CRTC3: variants seen among roughly 807,000 people sequenced by gnomAD.
CRTC3 encodes CREB regulated transcription coactivator 3.
In CRTC3, 26 loss-of-function variants were observed where a neutral mutation model predicts 74.5. The ratio of observed to expected loss-of-function variants is 0.35; its 90% confidence interval spans 0.26 to 0.48. The LOEUF is 0.48. Among genes scored for constraint, CRTC3 ranks in the 20% least tolerant of loss-of-function variants. CRTC3 has a pLI of 0.99. For synonymous variants in CRTC3, 377 were observed against 325.8 expected, an observed-to-expected ratio of 1.16 and a Z score of -1.69; for missense variants, 760 against 787.3, an observed-to-expected ratio of 0.97 and a Z score of 0.41.
intron 2 of CRTC3, among the ~76,000 whole-genome samples, chr15:90,587,416 C>T (rs1198435297): frequency 3.3e-5 from 5 of 152,206 alleles, no homozygotes; most frequent in Non-Finnish European, 5.9e-5. Flanking sequence ...ACTCCCCTCC[C>T]CGGTCTATCT....
chr15:90,585,539 A>G (rs1007303952), intron 2 of CRTC3, among the ~76,000 whole-genome samples: 1 of 152,216 alleles, frequency 6.6e-6, no homozygotes, highest in African/African-American at 2.4e-5. Context: ...TGTAGGCTAT[A>G]TAGCAAAGGA....
chr15:90,572,094 G>A (rs527514984), intron 2 of CRTC3, among the ~76,000 whole-genome samples: 9 of 151,804 alleles, frequency 5.9e-5, no homozygotes, highest in East Asian at 3.9e-4. Context: ...CCCAAGAGGC[G>A]GAGGTTGCAG....
intron 2 of CRTC3, among the ~76,000 whole-genome samples, chr15:90,561,352 T>G (rs889392124): frequency 1.3e-5 from 2 of 152,220 alleles, no homozygotes; most frequent in African/African-American, 4.8e-5. Context: ...GTTCATTATA[T>G]GAAGCTTCTT....
At position 90,637,590 on chromosome 15, in the gene CRTC3, G is replaced by A. The variant is rs1180428755; in HGVS notation, c.1267-856G>A. Among the ~76,000 whole-genome samples the A allele has an allele frequency of 2.6e-5, 4 of 152,164 alleles. No individual in the cohort carries two copies. The East Asian group carries it at 7.7e-4, about 29-fold the overall frequency. On this transcript the variant is annotated intron_variant, in intron 11 of 14. Transcript: ENST00000268184. The stretch of plus-strand genomic sequence containing the variant: ...AAAAGAAATTTCTTCTAAACCCTGT[G>A]TTTTCAGTAAAGTGCCTCACCTTCT...
At chr15:90,638,264 G>C in intron 11 of CRTC3, 182 bp from the exon 12 acceptor site, 1 of 579,972 alleles carries the variant, frequency 1.7e-6, no homozygotes, top group Non-Finnish European at 3.1e-6. Flanking sequence ...AACATGCTTT[G>C]TGGGGAAGTA....
chr15:90,641,103 C>G lies in CRTC3; in HGVS notation c.1555C>G (p.Leu519Val), dbSNP rs202222780. The G allele has an allele frequency of 2.1e-5, 34 of 1,612,916 alleles. No homozygotes were observed. In the East Asian group the frequency reaches 3.3e-4, roughly 16 times the overall value. Reference protein sequence around the residue: ...PGPAFPQQVPLVQQGSRELQD... With the variant: ...PGPAFPQQVPVVQQGSRELQD... Reference sequence around the variant, plus strand: ...TGACCTTCGATGCTTCCAGGTGCCTCTGGTGCAACAAGGTTCCCGAGAACT... The same window carrying G: ...TGACCTTCGATGCTTCCAGGTGCCTGTGGTGCAACAAGGTTCCCGAGAACT... The change falls in exon 14 of 15, where the codon CTG (leucine) becomes GTG (valine). Residue 519 changes from leucine (L) to valine (V), a missense_variant. Physicochemically the swap from Leu to Val is conservative, Grantham distance 32. This residue lies in a region of CRTC3 where 652 missense variants were observed against 635.2 expected (regional missense o/e 1.03). Coordinates refer to ENST00000268184, the MANE Select transcript of CRTC3 (RefSeq NM_022769.5).
intron 11 of CRTC3, among the ~76,000 whole-genome samples, chr15:90,631,555 C>G (rs947563104): frequency 6.6e-6 from 1 of 151,830 alleles, no homozygotes; most frequent in South Asian, 2.1e-4. Context: ...TGACGAAACC[C>G]CATCTCTACT....
At chr15:90,543,615 G>A (rs938689267) in intron 2 of CRTC3, among the ~76,000 whole-genome samples, 2 of 151,924 alleles carry the variant, frequency 1.3e-5, no homozygotes, top group Non-Finnish European at 2.9e-5. Context: ...TTTTTATTTT[G>A]ATCTTCACAT....
chr15:90,612,046 TCCTCCTCCTCCG>T (rs1968371446), intron 6 of CRTC3, among the ~76,000 whole-genome samples: 1 of 118,850 alleles, frequency 8.4e-6, no homozygotes, highest in African/African-American at 3.2e-5. Flanking sequence ...CTCCTCCTCC[TCCTCCTCCTCCG>T]CCTCCACCTC....
chr15:90,641,462 C>T (rs1969439162), intron 14 of CRTC3, among the ~76,000 whole-genome samples: 1 of 152,010 alleles, frequency 6.6e-6, no homozygotes, highest in African/African-American at 2.4e-5. Flanking sequence ...CTTTGGGAGG[C>T]CGAGGTGGGC....
chr15:90,623,644 A>G (rs76313663), intron 9 of CRTC3, among the ~76,000 whole-genome samples: 4,689 of 152,130 alleles, frequency 0.031, 238 homozygotes, highest in African/African-American at 0.11. Context: ...GTGCACCCCA[A>G]GACCCCTTCC....
intron 9 of CRTC3, among the ~76,000 whole-genome samples, chr15:90,620,460 G>A (rs1042705925): frequency 6.6e-6 from 1 of 152,142 alleles, no homozygotes; most frequent in Non-Finnish European, 1.5e-5. Flanking sequence ...ACAAGCAAAT[G>A]AAAAAGGAAG....
chr15:90,558,329 G>C lies in CRTC3; in HGVS notation c.231+18192G>C, dbSNP rs12442943. Among the ~76,000 whole-genome samples, 1,156 of 152,196 alleles carry C rather than the reference G, an allele frequency of 7.6e-3. 42 individuals carry two copies. In the East Asian group the frequency reaches 0.11, roughly 14 times the overall value. On this transcript the variant is annotated intron_variant, in intron 2 of 14. Transcript: ENST00000268184. ...CAGTATATTCTCAACACTGCCACCTGACTGATCCTTTTAAAATATGAGCCA... is the reference window on the plus strand; with the variant it reads ...CAGTATATTCTCAACACTGCCACCTCACTGATCCTTTTAAAATATGAGCCA...
chr15:90,560,528 G>T (rs776510895), intron 2 of CRTC3, among the ~76,000 whole-genome samples: 54 of 152,342 alleles, frequency 3.5e-4, no homozygotes, highest in Middle Eastern at 3.4e-3. Context: ...GGCAGACGAT[G>T]AATACTTCAG....
rs113674529 is a variant in CRTC3 at position 90,641,056 on chromosome 15, C to T, written c.1549-41C>T. The T allele has an allele frequency of 1.8e-3, 2,335 of 1,320,752 alleles. 33 individuals carry two copies. In the African/African-American group the frequency reaches 0.03, roughly 17 times the overall value. The allele number at this position is 1,320,752 out of a possible 1,614,324, so 81.8% of individuals were successfully genotyped here. On this transcript the variant is annotated intron_variant, in intron 13 of 14. Coordinates refer to ENST00000268184, the MANE Select transcript of CRTC3 (RefSeq NM_022769.5). ...GCAATACTCACTTCCTCCTTGGAAA[C>T]AGAGGTGTGGCCTTCCTCACATGAC...
chr15:90,559,937 C>G (rs1966975872), intron 2 of CRTC3, among the ~76,000 whole-genome samples: 1 of 152,244 alleles, frequency 6.6e-6, no homozygotes, highest in Non-Finnish European at 1.5e-5. Context: ...GCCACCATGT[C>G]TGGCCTTTTT....
intron 2 of CRTC3, among the ~76,000 whole-genome samples, chr15:90,553,494 A>G (rs1435380555): frequency 6.6e-6 from 1 of 152,226 alleles, no homozygotes; most frequent in Non-Finnish European, 1.5e-5. Context: ...TACATGTTGA[A>G]TAGAAGACTT....
At chr15:90,574,584 G>T (rs1273947306) in intron 2 of CRTC3, among the ~76,000 whole-genome samples, 2 of 152,156 alleles carry the variant, frequency 1.3e-5, no homozygotes, top group Non-Finnish European at 2.9e-5. Context: ...AAGTGAAGTT[G>T]CTGGGGCACA....
At position 90,559,651 on chromosome 15, in the gene CRTC3, G is replaced by T. The variant is rs140879292; in HGVS notation, c.231+19514G>T. On this transcript the variant is annotated intron_variant, in intron 2 of 14. Transcript: ENST00000268184. ...TTGTTTGTTTGTTTTTCGAGGCAAGGTCTCACTCTGTCAGTCAGGCTGGTG... is the reference window on the plus strand; with the variant it reads ...TTGTTTGTTTGTTTTTCGAGGCAAGTTCTCACTCTGTCAGTCAGGCTGGTG... 8.9e-4 allele frequency among the ~76,000 whole-genome samples: 136 copies of T among 152,214 alleles called. 1 individual carries two copies. Among genetic ancestry groups the T allele is most frequent in the African/African-American group, 3.3e-3 (135 of 41,538 alleles).
Sources: gnomAD v4.1 joint callset for allele counts (sites outside exome capture counted in the v4.1 genomes callset) on GRCh38, gnomAD v4.1.1 for gene constraint, gnomAD v4.1.1 regional missense constraint, MANE v1.5 for transcripts, NCBI Gene and HGNC (gene_info 2026-07-23, HGNC 2026-07-21) for gene names.